The following KIF2A variants were observed in gnomAD, a reference collection of about 807,000 sequenced individuals.
The protein encoded by KIF2A is kinesin-like protein KIF2A.
A neutral mutation model predicts 100.2 loss-of-function variants in KIF2A; 22 were observed. The observed-to-expected ratio is 0.22, with a 90% CI of 0.16 to 0.31. KIF2A has a LOEUF of 0.31. Ranked by LOEUF, KIF2A falls within the 10% of genes least tolerant of loss-of-function variation. The pLI, the probability that KIF2A is intolerant of heterozygous loss-of-function variation, is 1.00. For missense variants in KIF2A, 495 were observed against 898.7 expected, an observed-to-expected ratio of 0.55 and a Z score of 5.74; for synonymous variants, 268 against 285.9, an observed-to-expected ratio of 0.94 and a Z score of 0.63.
At position 62,366,421 on chromosome 5, in the gene KIF2A, C is replaced by T; in HGVS notation, c.1586C>T (p.Thr529Ile). 6.4e-7 allele frequency: 1 copy of T among 1,573,660 alleles called. No homozygotes were observed. The highest frequency in any genetic ancestry group is 1.8e-5 in the Admixed American group (1 of 55,444). ...ATTTTTTTTTTCCTGTAGATTGCCACAATCTCTCCAGGAATGGCATCCTGT... is the reference window on the plus strand; with the variant it reads ...ATTTTTTTTTTCCTGTAGATTGCCATAATCTCTCCAGGAATGGCATCCTGT... Reference protein sequence around the residue: ...GENSRTCMIATISPGMASCEN... With the variant: ...GENSRTCMIAIISPGMASCEN... Residue 529 changes from threonine to isoleucine, a missense_variant, in exon 16 of 21, where the codon ACA becomes ATA. Physicochemically the swap from Thr to Ile is moderately conservative, Grantham distance 89 (BLOSUM62 -1). Around this residue, in one of 10 missense-constraint regions of KIF2A, gnomAD observed 100 missense variants for 138.2 expected, o/e 0.72. Coordinates refer to ENST00000407818, the MANE Select transcript of KIF2A (RefSeq NM_001098511.3).
chr5:62,358,040 C>T (rs946667047), intron 8 of KIF2A, 97 bp from the exon 9 acceptor site: 1 of 886,372 alleles, frequency 1.1e-6, no homozygotes, highest in Non-Finnish European at 1.7e-6. Context: ...ACAGAACTTA[C>T]TACTTGTATC....
intron 1 of KIF2A, among the ~76,000 whole-genome samples, chr5:62,330,184 GTACAAAAAA>G (rs1374603407): frequency 6.6e-6 from 1 of 151,968 alleles, no homozygotes; most frequent in Non-Finnish European, 1.5e-5. Flanking sequence ...AAACCTGTCT[GTACAAAAAA>G]TACAAAAAAT....
intron 16 of KIF2A, among the ~76,000 whole-genome samples, chr5:62,367,872 C>G (rs1258464976): frequency 6.6e-6 from 1 of 151,960 alleles, no homozygotes; most frequent in African/African-American, 2.4e-5. Context: ...TGATTTTAAC[C>G]TAGAGACAAA....
chr5:62,374,745 C>T (rs1226980121), intron 18 of KIF2A, among the ~76,000 whole-genome samples: 1 of 152,120 alleles, frequency 6.6e-6, no homozygotes, highest in Non-Finnish European at 1.5e-5. Context: ...GCCTGGCCAA[C>T]ATGGTAAAAC....
rs1177626362 is a variant in KIF2A at position 62,387,497 on chromosome 5, T to C, written c.*1928T>C. The C allele has an allele frequency of 6.6e-6, 1 of 152,174 alleles. No individual in the cohort carries two copies. Among genetic ancestry groups the C allele is most frequent in the African/African-American group, 2.4e-5 (1 of 41,444 alleles). 9.4% of individuals were successfully genotyped at this position (152,174 alleles called of 1,614,324 possible). ...TATAGACAAATATGCTGCCTTACAC[T>C]ATGATGGCTTCATTCTGATCAGGTA... On this transcript the variant is annotated 3_prime_UTR_variant, in exon 21 of 21. Transcript: ENST00000407818.
In KIF2A at chr5:62,388,980, T is replaced by C. The variant is rs1742164870; in HGVS notation, c.*3411T>C. 1 of 1,591,880 alleles carries C rather than the reference T, an allele frequency of 6.3e-7. No homozygotes were observed. The highest frequency in any genetic ancestry group is 8.6e-7 in the Non-Finnish European group (1 of 1,164,668). On this transcript the variant is annotated 3_prime_UTR_variant, in exon 21 of 21. Transcript: ENST00000407818. ...AAAATACAAAATTCATTTCTTTTCTTGACCTTGAAAATTTCTGTTTTCCAA... is the reference window on the plus strand; with the variant it reads ...AAAATACAAAATTCATTTCTTTTCTCGACCTTGAAAATTTCTGTTTTCCAA...
chr5:62,363,703 G>T lies in KIF2A; in HGVS notation c.1271G>T (p.Gly424Val). The T allele has an allele frequency of 1.2e-6, 2 of 1,613,624 alleles. No individual in the cohort carries two copies. The highest frequency in any genetic ancestry group is 1.7e-6 in the Non-Finnish European group (2 of 1,179,628). The change falls in exon 14 of 21, where the codon GGT (glycine) becomes GTT (valine). Residue 424 changes from glycine to valine, a missense_variant. Physicochemically the swap from Gly to Val is moderately radical, Grantham distance 109. Coordinates refer to ENST00000407818, the MANE Select transcript of KIF2A (RefSeq NM_001098511.3). ...CCTTAATCACATTGTAGAACATCCG[G>T]TCAAACATCTGCAAATGCACATTCA... is the stretch of plus-strand genomic sequence containing the variant. ...IDIGNSCRTS[G>V]QTSANAHSSR...
At chr5:62,343,303 A>G (rs1212979246) in intron 1 of KIF2A, among the ~76,000 whole-genome samples, 1 of 152,130 alleles carries the variant, frequency 6.6e-6, no homozygotes, top group Non-Finnish European at 1.5e-5. Context: ...CAGCACCTGC[A>G]TCTCCTCTAA....
At chr5:62,327,777 T>C (rs1170848590) in intron 1 of KIF2A, among the ~76,000 whole-genome samples, 3 of 152,198 alleles carry the variant, frequency 2.0e-5, no homozygotes, top group African/African-American at 7.2e-5. Context: ...AGTAGAAATT[T>C]CCACGACTCA....
chr5:62,313,752 AC>A (rs1368613916), intron 1 of KIF2A, among the ~76,000 whole-genome samples: 1 of 152,072 alleles, frequency 6.6e-6, no homozygotes, highest in Non-Finnish European at 1.5e-5. Context: ...ATACTCTAGT[AC>A]CTATTTGAGT....
intron 1 of KIF2A, among the ~76,000 whole-genome samples, chr5:62,339,782 C>G (rs1474722260): frequency 2.0e-5 from 3 of 147,350 alleles, no homozygotes; most frequent in African/African-American, 7.5e-5. Flanking sequence ...AAAAAACACA[C>G]AGGTCTTAAA....
chr5:62,353,054 A>G, intron 5 of KIF2A: 1 of 443,304 alleles, frequency 2.3e-6, no homozygotes. Flanking sequence ...GATGACATGT[A>G]TCAATATGTT....
intron 1 of KIF2A, among the ~76,000 whole-genome samples, chr5:62,338,837 C>T (rs1414441262): frequency 6.6e-6 from 1 of 151,936 alleles, no homozygotes; most frequent in Admixed American, 6.6e-5. Flanking sequence ...ATATAGAATT[C>T]CTATAGAGAA....
At chr5:62,348,519 A>G (rs1211030958) in intron 3 of KIF2A, among the ~76,000 whole-genome samples, 1 of 152,178 alleles carries the variant, frequency 6.6e-6, no homozygotes, top group African/African-American at 2.4e-5. Context: ...AATAATAACT[A>G]CCAACTCTGA....
intron 1 of KIF2A, among the ~76,000 whole-genome samples, chr5:62,320,597 G>A (rs776856688): frequency 5.9e-4 from 89 of 151,598 alleles, no homozygotes; most frequent in Non-Finnish European, 4.1e-4. Flanking sequence ...TGTAAGGGAT[G>A]ACATGCTTAA....
chr5:62,317,692 G>A (rs1221059705), intron 1 of KIF2A, among the ~76,000 whole-genome samples: 1 of 152,034 alleles, frequency 6.6e-6, no homozygotes, highest in Non-Finnish European at 1.5e-5. Flanking sequence ...TATTAATCAG[G>A]TGTTTTTATT....
intron 16 of KIF2A, 84 bp from the exon 17 acceptor site, chr5:62,372,354 T>G (rs942918314): frequency 4.2e-6 from 3 of 711,700 alleles, no homozygotes; most frequent in Non-Finnish European, 7.4e-6. Flanking sequence ...TAAACAAAAG[T>G]GAATACTAAA....
intron 16 of KIF2A, among the ~76,000 whole-genome samples, chr5:62,367,823 T>G (rs1471087765): frequency 6.6e-6 from 1 of 152,202 alleles, no homozygotes; most frequent in Non-Finnish European, 1.5e-5. Flanking sequence ...TTTGAATGAC[T>G]GTTTAGTGTT....
chr5:62,366,080 C>T (rs1378962945), intron 15 of KIF2A, among the ~76,000 whole-genome samples: 1 of 151,814 alleles, frequency 6.6e-6, no homozygotes, highest in Non-Finnish European at 1.5e-5. Context: ...CCCTGTGTGA[C>T]AGCAGCAAAG....
Sources: allele counts gnomAD v4.1 joint callset (sites outside exome capture counted in the v4.1 genomes callset), GRCh38; gene constraint gnomAD v4.1.1; regional missense constraint gnomAD v4.1.1; transcripts MANE v1.5; gene names NCBI Gene and HGNC (gene_info 2026-07-23, HGNC 2026-07-21).